ANKRD6: variants seen among roughly 807,000 people sequenced by gnomAD.
ANKRD6 encodes ankyrin repeat domain-containing protein 6.
A neutral mutation model predicts 82.3 loss-of-function variants in ANKRD6; 56 were observed. The observed-to-expected ratio is 0.68, with a 90% CI of 0.55 to 0.85. The LOEUF is 0.85. Among genes scored for constraint, ANKRD6 ranks in the 40% least tolerant of loss-of-function variants. ANKRD6 has a pLI of 0.00. For missense variants in ANKRD6, 852 were observed against 907.6 expected, an observed-to-expected ratio of 0.94 and a Z score of 0.79; for synonymous variants, 347 against 352.1, an observed-to-expected ratio of 0.99 and a Z score of 0.16.
At chr6:89,523,059 C>T (rs1361028477) in intron 1 of ANKRD6, among the ~76,000 whole-genome samples, 6 of 152,158 alleles carry the variant, frequency 3.9e-5, no homozygotes, top group Admixed American at 2.6e-4. Context: ...AGCAGATTCC[C>T]TCCTGAGAGC....
chr6:89,464,857 A>G (rs1225466441), intron 1 of ANKRD6, among the ~76,000 whole-genome samples: 1 of 152,196 alleles, frequency 6.6e-6, no homozygotes, highest in East Asian at 1.9e-4. Context: ...GTGCTGCCAC[A>G]TGCGGCATAA....
chr6:89,557,960 T>G (rs1474508301), intron 1 of ANKRD6, among the ~76,000 whole-genome samples: 5 of 152,092 alleles, frequency 3.3e-5, no homozygotes, highest in Non-Finnish European at 5.9e-5. Flanking sequence ...CCACCAATTC[T>G]ACATTATGGT....
chr6:89,489,849 G>A (rs895636445), intron 1 of ANKRD6, among the ~76,000 whole-genome samples: 1 of 152,174 alleles, frequency 6.6e-6, no homozygotes, highest in African/African-American at 2.4e-5. Context: ...ATTTATTAAT[G>A]AGAATTTTAT....
chr6:89,522,609 G>C (rs776786596), intron 1 of ANKRD6, among the ~76,000 whole-genome samples: 5 of 152,186 alleles, frequency 3.3e-5, no homozygotes, highest in Non-Finnish European at 7.3e-5. Context: ...CACTTTGACA[G>C]TGATTTAGTT....
chr6:89,616,019 C>G (rs780719073), intron 7 of ANKRD6, among the ~76,000 whole-genome samples: 20 of 152,230 alleles, frequency 1.3e-4, no homozygotes, highest in Middle Eastern at 3.2e-3. Context: ...ATATCCTGAG[C>G]CTGCAGATGG....
intron 1 of ANKRD6, among the ~76,000 whole-genome samples, chr6:89,479,401 C>T (rs981443581): frequency 6.6e-5 from 10 of 152,092 alleles, no homozygotes; most frequent in Non-Finnish European, 1.2e-4. Context: ...GAATATGAAA[C>T]CAGAAACATC....
At chr6:89,435,203 A>C (rs1770478923) in intron 1 of ANKRD6, among the ~76,000 whole-genome samples, 1 of 152,218 alleles carries the variant, frequency 6.6e-6, no homozygotes, top group South Asian at 2.1e-4. Context: ...ACTGTGAAAT[A>C]CATCATACAC....
intron 1 of ANKRD6, among the ~76,000 whole-genome samples, chr6:89,473,368 A>C (rs1011787669): frequency 1.3e-5 from 2 of 150,926 alleles, no homozygotes; most frequent in African/African-American, 4.9e-5. Context: ...GCACCATTGC[A>C]CTCCAGCCTG....
intron 10 of ANKRD6, 97 bp downstream of exon 10, chr6:89,622,123 G>A (rs1049093297): frequency 2.0e-5 from 21 of 1,044,686 alleles, no homozygotes; most frequent in African/African-American, 4.8e-5. Flanking sequence ...GTGGCTGCCC[G>A]GCCCTCTCTG....
intron 2 of ANKRD6, among the ~76,000 whole-genome samples, chr6:89,578,286 CTTTTTTTTTTTTTTTTT>C (rs71024383): frequency 8.4e-6 from 1 of 119,098 alleles, no homozygotes; most frequent in Non-Finnish European, 1.7e-5. Flanking sequence ...CTCCCGCCTC[CTTTTTTTTTTTTTTTTT>C]TTTTTTTTTG....
intron 1 of ANKRD6, among the ~76,000 whole-genome samples, chr6:89,460,600 TA>T (rs547672869): frequency 2.2e-4 from 34 of 151,964 alleles, no homozygotes; most frequent in Non-Finnish European, 3.8e-4. Context: ...CACACCTGGC[TA>T]ATTTTTGTAT....
At chr6:89,481,135 C>T (rs1239215484) in intron 1 of ANKRD6, among the ~76,000 whole-genome samples, 2 of 152,044 alleles carry the variant, frequency 1.3e-5, no homozygotes, top group East Asian at 3.8e-4. Context: ...TGCTCAACTT[C>T]GTTAACAAAA....
chr6:89,504,747 C>T (rs1779653696), intron 1 of ANKRD6, among the ~76,000 whole-genome samples: 1 of 152,140 alleles, frequency 6.6e-6, no homozygotes, highest in Non-Finnish European at 1.5e-5. Context: ...GGGAATTTGC[C>T]CATCCAGTCT....
At chr6:89,532,800 C>T (rs1202101858) in intron 1 of ANKRD6, among the ~76,000 whole-genome samples, 1 of 151,978 alleles carries the variant, frequency 6.6e-6, no homozygotes, top group African/African-American at 2.4e-5. Context: ...CTCCCGGGCT[C>T]AAGCCATCTT....
chr6:89,497,646 A>G (rs1292544503), intron 1 of ANKRD6, among the ~76,000 whole-genome samples: 3 of 152,160 alleles, frequency 2.0e-5, no homozygotes, highest in Non-Finnish European at 4.4e-5. Context: ...AACAGTGGAT[A>G]TGTTTTTTTC....
At position 89,627,611 on chromosome 6, in the gene ANKRD6, A is replaced by G. The variant is rs1806152397; in HGVS notation, c.1400A>G (p.Glu467Gly). Residue 467 changes from glutamate (E) to glycine (G), a missense_variant, in exon 14 of 16, where the codon GAG becomes GGG. By Grantham distance (98) the Glu-to-Gly change is moderately conservative. Coordinates refer to ENST00000339746, the MANE Select transcript of ANKRD6 (RefSeq NM_001242809.2). ...CGTGTTTTGGACAAGCTGATGGTTGAGCGACTTTCTGCAGAGAGGACGGAG... is the reference window on the plus strand; with the variant it reads ...CGTGTTTTGGACAAGCTGATGGTTGGGCGACTTTCTGCAGAGAGGACGGAG... Reference protein sequence around the residue: ...QMRVLDKLMVERLSAERTECL... With the variant: ...QMRVLDKLMVGRLSAERTECL... 1 of 1,613,770 alleles carries G rather than the reference A, an allele frequency of 6.2e-7. No homozygotes were observed. Among genetic ancestry groups the G allele is most frequent in the Non-Finnish European group, 8.5e-7 (1 of 1,179,742 alleles).
intron 1 of ANKRD6, among the ~76,000 whole-genome samples, chr6:89,545,081 C>T (rs1017784556): frequency 2.0e-4 from 31 of 151,778 alleles, no homozygotes; most frequent in African/African-American, 6.5e-4. Context: ...GGCGTGGTGG[C>T]GGGCGCCTGT....
intron 1 of ANKRD6, among the ~76,000 whole-genome samples, chr6:89,524,678 G>A (rs1782254868): frequency 6.6e-6 from 1 of 152,040 alleles, no homozygotes; most frequent in South Asian, 2.1e-4. Context: ...CGAGTTGTGG[G>A]GCTATAAACA....
intron 1 of ANKRD6, among the ~76,000 whole-genome samples, chr6:89,459,025 C>T (rs1409781640): frequency 6.6e-6 from 1 of 152,094 alleles, no homozygotes; most frequent in East Asian, 1.9e-4. Context: ...ATAGGCGCTT[C>T]GTGTCCTGTT....
Sources: gnomAD v4.1 joint callset for allele counts (sites outside exome capture counted in the v4.1 genomes callset) on GRCh38, gnomAD v4.1.1 for gene constraint, MANE v1.5 for transcripts, NCBI Gene and HGNC (gene_info 2026-07-23, HGNC 2026-07-21) for gene names.